The following HS6ST3 variants were observed in gnomAD, a reference collection of about 807,000 sequenced individuals.
HS6ST3 encodes the protein heparan-sulfate 6-O-sulfotransferase 3.
HS6ST3 carries 12 observed loss-of-function variants against 36.7 expected under a neutral mutation model. The observed-to-expected ratio is 0.33, with a 90% CI of 0.21 to 0.53. The LOEUF (loss-of-function observed/expected upper bound fraction) is 0.53, where lower values mean the gene tolerates loss of function less well. HS6ST3 is among the 20% of genes least tolerant of loss of function. The pLI is 0.95. For synonymous variants in HS6ST3, 240 were observed against 257.5 expected (o/e 0.93, Z 0.65); for missense variants, 584 against 640.9 (o/e 0.91, Z 0.96).
intron 1 of HS6ST3, among the ~76,000 whole-genome samples, chr13:96,806,867 A>G (rs114879695): frequency 0.014 from 2,106 of 152,310 alleles, 52 homozygotes; most frequent in African/African-American, 0.048. Flanking sequence ...AAGCTGATAT[A>G]TGCCAAGTCT....
chr13:96,543,641 A>T (rs1049862450), intron 1 of HS6ST3, among the ~76,000 whole-genome samples: 5 of 152,136 alleles, frequency 3.3e-5, no homozygotes, highest in Non-Finnish European at 7.4e-5. Context: ...AAGCCAAGCC[A>T]ATTTCTTCAC....
chr13:96,655,286 G>A (rs1427975232), intron 1 of HS6ST3, among the ~76,000 whole-genome samples: 1 of 152,070 alleles, frequency 6.6e-6, no homozygotes, highest in African/African-American at 2.4e-5. Flanking sequence ...TTTCCTTAAG[G>A]AGAGTAAATC....
chr13:96,581,084 T>A (rs2056340260), intron 1 of HS6ST3, among the ~76,000 whole-genome samples: 1 of 152,218 alleles, frequency 6.6e-6, no homozygotes, highest in Non-Finnish European at 1.5e-5. Flanking sequence ...ACATGCTTTT[T>A]TGATTAGTTG....
At chr13:96,192,998 G>T (rs143156879) in intron 1 of HS6ST3, among the ~76,000 whole-genome samples, 255 of 152,252 alleles carry the variant, frequency 1.7e-3, no homozygotes, top group African/African-American at 5.9e-3. Flanking sequence ...CAGCCTCCCT[G>T]ATTGCTGCTG....
At chr13:96,299,295 G>A (rs375484203) in intron 1 of HS6ST3, among the ~76,000 whole-genome samples, 2 of 152,142 alleles carry the variant, frequency 1.3e-5, no homozygotes, top group African/African-American at 4.8e-5. Flanking sequence ...TTACTGCTTC[G>A]TTCCTGGCAT....
intron 1 of HS6ST3, among the ~76,000 whole-genome samples, chr13:96,657,436 G>A (rs1032958629): frequency 5.9e-5 from 9 of 152,026 alleles, no homozygotes; most frequent in South Asian, 2.1e-4. Context: ...TGGGAGGATC[G>A]CTTGAACCTG....
chr13:96,163,716 T>G (rs943796998), intron 1 of HS6ST3, among the ~76,000 whole-genome samples: 2 of 152,136 alleles, frequency 1.3e-5, no homozygotes, highest in Non-Finnish European at 2.9e-5. Flanking sequence ...AAAAAACCCT[T>G]TTCCCCCCAG....
chr13:96,656,323 A>C (rs773341027), intron 1 of HS6ST3, among the ~76,000 whole-genome samples: 1 of 152,152 alleles, frequency 6.6e-6, no homozygotes, highest in Non-Finnish European at 1.5e-5. Context: ...ATGATTTACA[A>C]GTTATGTATC....
chr13:96,412,886 A>G (rs927143235), intron 1 of HS6ST3, among the ~76,000 whole-genome samples: 1 of 150,192 alleles, frequency 6.7e-6, no homozygotes, highest in East Asian at 1.9e-4. Context: ...AGCCTTGGGC[A>G]TAGTGAGTAA....
At chr13:96,604,838 A>G (rs2056433025) in intron 1 of HS6ST3, among the ~76,000 whole-genome samples, 1 of 152,142 alleles carries the variant, frequency 6.6e-6, no homozygotes, top group Non-Finnish European at 1.5e-5. Context: ...GGCACATTAT[A>G]TGATTTTGGA....
intron 1 of HS6ST3, among the ~76,000 whole-genome samples, chr13:96,184,178 C>T (rs1288197623): frequency 9.1e-6 from 1 of 110,090 alleles, no homozygotes; most frequent in Non-Finnish European, 1.7e-5. Flanking sequence ...TCCAGCCTGG[C>T]AATAGAGCGA....
intron 1 of HS6ST3, among the ~76,000 whole-genome samples, chr13:96,221,854 A>C (rs1250277897): frequency 6.6e-6 from 1 of 152,242 alleles, no homozygotes; most frequent in Non-Finnish European, 1.5e-5. Context: ...GCCTTACATT[A>C]GGTCATTTGT....
chr13:96,180,095 A>G (rs565308973), intron 1 of HS6ST3, among the ~76,000 whole-genome samples: 95 of 152,264 alleles, frequency 6.2e-4, no homozygotes, highest in African/African-American at 2.0e-3. Context: ...TCAGCCTCCC[A>G]AAGTGTTGGG....
chr13:96,839,207 T>G lies in HS6ST3; in HGVS notation c.*6009T>G, dbSNP rs1879010106. 1 of 152,216 alleles carries G rather than the reference T, an allele frequency of 6.6e-6. No homozygotes were observed. Among genetic ancestry groups the G allele is most frequent in the African/African-American group, 2.4e-5 (1 of 41,452 alleles). 9.4% of individuals were successfully genotyped at this position (152,216 alleles called of 1,614,324 possible). A position where few individuals can be genotyped will look rare whatever the true frequency, so the allele number is the denominator to read the frequency against. On this transcript the variant is annotated 3_prime_UTR_variant, in exon 2 of 2. Transcript: ENST00000376705. ...TATTTGTTAATCATATGATCATTTT[T>G]TTTTCACTTTCCTTTTTTTCTTTCT...
chr13:96,279,806 C>A (rs1263286457), intron 1 of HS6ST3, among the ~76,000 whole-genome samples: 1 of 152,128 alleles, frequency 6.6e-6, no homozygotes, highest in African/African-American at 2.4e-5. Context: ...AGTAATTTGG[C>A]AATGTTTGGA....
intron 1 of HS6ST3, among the ~76,000 whole-genome samples, chr13:96,636,695 T>G (rs1201323332): frequency 6.6e-6 from 1 of 152,170 alleles, no homozygotes; most frequent in Non-Finnish European, 1.5e-5. Flanking sequence ...ACTCAGAATA[T>G]GGAATTGACA....
At chr13:96,193,809 A>C (rs911985748) in intron 1 of HS6ST3, among the ~76,000 whole-genome samples, 3 of 152,144 alleles carry the variant, frequency 2.0e-5, no homozygotes, top group African/African-American at 7.2e-5. Flanking sequence ...TTCTTATGGG[A>C]TTTCATTAAG....
chr13:96,658,296 T>TTTTTTC lies in HS6ST3; in HGVS notation c.708-174192_708-174191insTTTCTT, dbSNP rs1467303957. 3.3e-4 allele frequency among the ~76,000 whole-genome samples: 29 copies of TTTTTTC among 87,430 alleles called. 1 individual carries two copies. Among genetic ancestry groups the TTTTTTC allele is most frequent in the Middle Eastern group, 6.1e-3 (1 of 164 alleles). 57.4% of individuals were successfully genotyped at this position (87,430 alleles called of 152,430 possible). On this transcript the variant is annotated intron_variant, in intron 1 of 1. Transcript: ENST00000376705. Reference sequence around the variant, plus strand: ...TTTTTTTTTTTTTTTTTTTTTTTTTTTTGAGATGGCGTCTCACTCTGTTAC... The same window carrying TTTTTTC: ...TTTTTTTTTTTTTTTTTTTTTTTTTTTTTTTCTTGAGATGGCGTCTCACTCTGTTAC...
intron 1 of HS6ST3, among the ~76,000 whole-genome samples, chr13:96,499,156 G>A (rs1452176783): frequency 1.3e-5 from 2 of 151,670 alleles, no homozygotes; most frequent in African/African-American, 4.9e-5. Flanking sequence ...CTCCCCAGTA[G>A]CTGGGATTAC....
Sources: gnomAD v4.1 joint callset for allele counts (sites outside exome capture counted in the v4.1 genomes callset) on GRCh38, gnomAD v4.1.1 for gene constraint, MANE v1.5 for transcripts, NCBI Gene and HGNC (gene_info 2026-07-23, HGNC 2026-07-21) for gene names.